Variants in DNMT1 observed in about 807,000 individuals in gnomAD.
DNMT1 encodes DNA methyltransferase 1, also known as DNA (cytosine-5)-methyltransferase 1.
Under a neutral mutation model 205.3 loss-of-function variants are expected in DNMT1, and 24 were observed. The observed-to-expected ratio is 0.12, with a 90% CI of 0.08 to 0.16. The LOEUF (loss-of-function observed/expected upper bound fraction) is 0.16, where lower values mean the gene tolerates loss of function less well. Ranked by LOEUF, DNMT1 falls within the 10% of genes least tolerant of loss-of-function variation. The pLI is 1.00. For missense variants in DNMT1, 1,293 were observed against 2,177.7 expected (o/e 0.59, Z 8.09); for synonymous variants, 817 against 839.8 (o/e 0.97, Z 0.47).
In DNMT1 at chr19:10,139,580, A is replaced by G. The variant is rs1254147476; in HGVS notation, c.3948+96T>C. Reference sequence around the variant, plus strand: ...CCTCTGCTGCCTGGATGGCAGGCCTATGCCATTGAACCCTGCCTTCAGTAA... The same window carrying G: ...CCTCTGCTGCCTGGATGGCAGGCCTGTGCCATTGAACCCTGCCTTCAGTAA... On this transcript the variant is annotated intron_variant, in intron 34 of 40. Coordinates refer to ENST00000359526, the MANE Select transcript of DNMT1 (RefSeq NM_001130823.3). The G allele has an allele frequency of 2.3e-5, 36 of 1,533,614 alleles. No individual in the cohort carries two copies. In the Admixed American group the frequency reaches 6.8e-4, roughly 29 times the overall value.
Position 10,156,490 on chromosome 19 carries a change from G to T in DNMT1, c.1300C>A (p.His434Asn). ...TCFSVYCKHGHLCPIDTGLIE... is the reference protein window; with the variant it reads ...TCFSVYCKHGNLCPIDTGLIE... ...AGGCCGGTGTCGATGGGACACAGGTGACCGTGCTTACAGTACACACTAGAC... is the reference window on the plus strand; with the variant it reads ...AGGCCGGTGTCGATGGGACACAGGTTACCGTGCTTACAGTACACACTAGAC... The change falls in exon 18 of 41, where the codon CAC (histidine) becomes AAC (asparagine). Residue 434 changes from histidine (H) to asparagine (N), a missense_variant. By Grantham distance (68) the His-to-Asn change is moderately conservative (BLOSUM62 1). Coordinates refer to ENST00000359526, the MANE Select transcript of DNMT1 (RefSeq NM_001130823.3). This position sits in a 1 kb window ranked among gnomAD's most constrained non-coding sequence, Gnocchi z 4.2. 1 of 1,613,266 alleles carries T rather than the reference G, an allele frequency of 6.2e-7. No homozygotes were observed. The highest frequency in any genetic ancestry group is 1.1e-5 in the South Asian group (1 of 91,036).
Position 10,138,623 on chromosome 19 carries a change from G to A in DNMT1, c.3949-18C>T, listed in dbSNP as rs759105100. On this transcript the variant is annotated intron_variant, in intron 34 of 40. Coordinates refer to ENST00000359526, the MANE Select transcript of DNMT1 (RefSeq NM_001130823.3). The surrounding 1 kb of genome is among the most constrained non-coding windows in gnomAD (Gnocchi z 4.1). ...TGACCGGCCTGTGGGGGAGAAGGACGGACAACCCCACCGTCAGTGGGACAC... is the reference window on the plus strand; with the variant it reads ...TGACCGGCCTGTGGGGGAGAAGGACAGACAACCCCACCGTCAGTGGGACAC... 1.9e-5 allele frequency: 30 copies of A among 1,598,126 alleles called. No individual in the cohort carries two copies. Among genetic ancestry groups the A allele is most frequent in the Admixed American group, 6.7e-5 (4 of 59,788 alleles).
At chr19:10,152,549 C>T (rs2038369646) in intron 22 of DNMT1, among the ~76,000 whole-genome samples, 1 of 151,858 alleles carries the variant, frequency 6.6e-6, no homozygotes, top group Non-Finnish European at 1.5e-5. Context: ...TGCTTGAGTT[C>T]AGGCATTCAA....
In DNMT1 at chr19:10,160,128, CCT is replaced by C. The variant is rs2038538053; in HGVS notation, c.1044-67_1044-66del. The C allele has an allele frequency of 5.6e-6, 9 of 1,604,260 alleles. No homozygotes were observed. In the African/African-American group the frequency reaches 6.7e-5, roughly 12 times the overall value. ...TGTTTCAGAAAATATCAAAATCGCC[CCT>C]GTGAGGTTTCTGCCTGAGGTGCCTG... On this transcript the variant is annotated intron_variant, in intron 14 of 40. Transcript: ENST00000359526.
intron 1 of DNMT1, among the ~76,000 whole-genome samples, chr19:10,182,504 T>C (rs558165363): frequency 5.4e-4 from 75 of 140,044 alleles, no homozygotes; most frequent in Non-Finnish European, 9.3e-4. Context: ...TATATGTGTG[T>C]ATATATATAC....
chr19:10,187,761 A>C (rs1051898646), intron 1 of DNMT1, among the ~76,000 whole-genome samples: 3 of 142,278 alleles, frequency 2.1e-5, no homozygotes, highest in Middle Eastern at 4.1e-3. Flanking sequence ...TTAGCTACTC[A>C]GGAGGCTGAG....
At chr19:10,160,707 C>T (rs1442713055) in intron 13 of DNMT1, among the ~76,000 whole-genome samples, 2 of 151,758 alleles carry the variant, frequency 1.3e-5, no homozygotes, top group Non-Finnish European at 2.9e-5. Flanking sequence ...CCAGCCTGGC[C>T]AACATGGCGA....
chr19:10,155,147 C>A, intron 19 of DNMT1, 91 bp from the exon 20 acceptor site: 1 of 1,543,700 alleles, frequency 6.5e-7, no homozygotes, highest in Non-Finnish European at 8.9e-7. Flanking sequence ...CCAAACTCAC[C>A]CAACAGTCTA....
chr19:10,186,609 C>T lies in DNMT1; in HGVS notation c.81-4532G>A, dbSNP rs189247318. ...ATCCCAGCACTTTGGGAGGCCGAGG[C>T]GGGCGGATCACCTGAGGTCAGGAGT... On this transcript the variant is annotated intron_variant, in intron 1 of 40. Transcript: ENST00000359526. 4.9e-3 allele frequency among the ~76,000 whole-genome samples: 743 copies of T among 151,968 alleles called. 24 individuals carry two copies. The highest frequency in any genetic ancestry group is 0.045 in the Admixed American group (688 of 15,228).
Position 10,137,199 on chromosome 19 carries a change from C to T in DNMT1, c.4375G>A (p.Glu1459Lys). 6.2e-7 allele frequency: 1 copy of T among 1,610,908 alleles called. No individual in the cohort carries two copies. The highest frequency in any genetic ancestry group is 8.5e-7 in the Non-Finnish European group (1 of 1,179,176). ...GSDWRDLPNI[E>K]VRLSDGTMAR... is the part of the protein sequence containing the mutation. ...ATGGTGCCGTCTGAGAGCCGCACCT[C>T]GATGTTGGGCAGATCGCGCCAGTCT... is the stretch of plus-strand genomic sequence containing the variant. Residue 1459 changes from glutamate to lysine, a missense_variant, in exon 37 of 41, where the codon GAG becomes AAG. This residue lies in a region of DNMT1 where 148 missense variants were observed against 256.1 expected (regional missense o/e 0.58). Coordinates refer to ENST00000359526, the MANE Select transcript of DNMT1 (RefSeq NM_001130823.3). This position sits in a 1 kb window ranked among gnomAD's most constrained non-coding sequence, Gnocchi z 6.4.
At chr19:10,157,328 G>A (rs1313500456) in intron 17 of DNMT1, among the ~76,000 whole-genome samples, 1 of 152,156 alleles carries the variant, frequency 6.6e-6, no homozygotes, top group Non-Finnish European at 1.5e-5. Flanking sequence ...AGAAAATAAA[G>A]CAGGTTATAG....
intron 39 of DNMT1, among the ~76,000 whole-genome samples, chr19:10,135,069 G>A (rs150324885): frequency 3.3e-5 from 5 of 151,912 alleles, no homozygotes; most frequent in East Asian, 1.9e-4. Context: ...AAAATTAGCC[G>A]GGTGTGGTAG....
At chr19:10,182,481 A>G (rs2039081753) in intron 1 of DNMT1, among the ~76,000 whole-genome samples, 1 of 126,518 alleles carries the variant, frequency 7.9e-6, no homozygotes, top group East Asian at 2.1e-4. Flanking sequence ...ATATATACAT[A>G]TATATGTGTA....
rs1361695976 is a variant in DNMT1, at chr19:10,160,406, G to A, written c.1021C>T (p.Arg341Cys). Residue 341 changes from arginine to cysteine, a missense_variant, in exon 14 of 41, where the codon CGC becomes TGC. This residue lies in a region of DNMT1 where 394 missense variants were observed against 451.6 expected (regional missense o/e 0.87). Transcript: ENST00000359526. ...TACGGTTCTTTGGGGGTCGTTTTGC[G>A]TCTCTTCTCCTCCTACACAGGGAAA... ...KDEDEKEEKR[R>C]KTTPKEPTEK... 14 of 1,613,992 alleles carry A rather than the reference G, an allele frequency of 8.7e-6. No individual in the cohort carries two copies. Among genetic ancestry groups the A allele is most frequent in the Admixed American group, 3.3e-5 (2 of 59,988 alleles).
In DNMT1 at chr19:10,138,554, C is replaced by A. The variant is rs779967013; in HGVS notation, c.4000G>T (p.Ala1334Ser). 1.9e-6 allele frequency: 3 copies of A among 1,610,794 alleles called. No individual in the cohort carries two copies. The highest frequency in any genetic ancestry group is 2.5e-6 in the Non-Finnish European group (3 of 1,180,016). ...AGAGGGAGCTTCTCTCCAGGGGCCG[C>A]GGCCAGGATGATGGCCCGCCTCCTA... ...QTRRRAIILA[A>S]APGEKLPLFP... is the part of the protein sequence containing the mutation. The change falls in exon 35 of 41, where the codon GCG (alanine) becomes TCG (serine). Residue 1334 changes from alanine (A) to serine (S), a missense_variant. This residue lies in a region of DNMT1 where 148 missense variants were observed against 256.1 expected (regional missense o/e 0.58). Coordinates refer to ENST00000359526, the MANE Select transcript of DNMT1 (RefSeq NM_001130823.3). This position sits in a 1 kb window ranked among gnomAD's most constrained non-coding sequence, Gnocchi z 4.1.
chr19:10,182,219 T>G, intron 1 of DNMT1, 142 bp from the exon 2 acceptor site: 1 of 821,236 alleles, frequency 1.2e-6, no homozygotes, highest in Non-Finnish European at 2.0e-6. Context: ...CTGGCTTTTG[T>G]CTCCCCGCAA....
chr19:10,134,139 G>A (rs1260713461), intron 40 of DNMT1, 78 bp downstream of exon 40: 31 of 1,520,022 alleles, frequency 2.0e-5, no homozygotes, highest in Middle Eastern at 1.7e-4. Flanking sequence ...AGCCCAAAAC[G>A]GTGGCCAGCA....
intron 19 of DNMT1, among the ~76,000 whole-genome samples, chr19:10,155,597 C>A (rs2038441357): frequency 6.6e-6 from 1 of 152,140 alleles, no homozygotes; most frequent in Admixed American, 6.5e-5. Context: ...CCCAACTCGG[C>A]CTCCCAAAGT....
intron 17 of DNMT1, among the ~76,000 whole-genome samples, chr19:10,157,223 C>T (rs918063163): frequency 3.9e-5 from 6 of 152,146 alleles, no homozygotes; most frequent in Non-Finnish European, 7.3e-5. Flanking sequence ...CCCCAGCCCC[C>T]GGCAACCACC....
Sources: gnomAD v4.1 joint callset for allele counts (sites outside exome capture counted in the v4.1 genomes callset) on GRCh38, gnomAD v4.1.1 for gene constraint, gnomAD v4.1.1 regional missense constraint, Gnocchi (gnomAD v3.1) non-coding constraint, MANE v1.5 for transcripts, NCBI Gene and HGNC (gene_info 2026-07-23, HGNC 2026-07-21) for gene names.